Variants in GNB1L observed in about 807,000 individuals in gnomAD.
GNB1L encodes the protein guanine nucleotide-binding protein subunit beta-like protein 1.
Under a neutral mutation model 29.1 loss-of-function variants are expected in GNB1L, and 20 were observed. The observed-to-expected ratio is 0.69, with a 90% CI of 0.48 to 1.00. The LOEUF (loss-of-function observed/expected upper bound fraction) is 1.00. Ranked by LOEUF, GNB1L falls within the 50% of genes least tolerant of loss-of-function variation. The pLI is 0.00. For missense variants in GNB1L, 421 were observed against 464.9 expected, an observed-to-expected ratio of 0.91 and a Z score of 0.87; for synonymous variants, 193 against 206.5, an observed-to-expected ratio of 0.93 and a Z score of 0.56.
intron 7 of GNB1L, among the ~76,000 whole-genome samples, chr22:19,795,929 C>T (rs1937301210): frequency 6.6e-6 from 1 of 152,082 alleles, no homozygotes; most frequent in Admixed American, 6.5e-5. Flanking sequence ...TTTTGGCTTC[C>T]AGAAGGAGGT....
At chr22:19,850,715 G>C in intron 2 of GNB1L, 2 of 1,236,396 alleles carry the variant, frequency 1.6e-6, no homozygotes, top group Non-Finnish European at 2.0e-6. Context: ...TGGGGCTAGG[G>C]GGACAGACAC....
At chr22:19,794,604 GA>G (rs1388953191) in intron 7 of GNB1L, among the ~76,000 whole-genome samples, 2 of 152,216 alleles carry the variant, frequency 1.3e-5, no homozygotes, top group Non-Finnish European at 2.9e-5. Context: ...AATAAGTATA[GA>G]GGTGTTAGAC....
At chr22:19,843,314 T>C (rs1937893793) in intron 2 of GNB1L, among the ~76,000 whole-genome samples, 1 of 152,270 alleles carries the variant, frequency 6.6e-6, no homozygotes, top group South Asian at 2.1e-4. Context: ...TTGAATCCTC[T>C]GTCAGTATCC....
intron 5 of GNB1L, among the ~76,000 whole-genome samples, chr22:19,809,852 G>A (rs1171751083): frequency 6.6e-6 from 1 of 152,178 alleles, no homozygotes. Context: ...ACAGCTCACT[G>A]CAGCCTTGAA....
chr22:19,825,919 C>T (rs772322753), intron 2 of GNB1L, among the ~76,000 whole-genome samples: 2 of 152,166 alleles, frequency 1.3e-5, no homozygotes, highest in African/African-American at 2.4e-5. Flanking sequence ...AATCACACCA[C>T]GGCACTCCAG....
chr22:19,850,306 CCT>C, intron 2 of GNB1L: 1 of 982,068 alleles, frequency 1.0e-6, no homozygotes, highest in Non-Finnish European at 1.2e-6. Context: ...AGACAGAGCC[CCT>C]GTGCTGAGGG....
At chr22:19,810,841 G>GC (rs993298150) in intron 5 of GNB1L, among the ~76,000 whole-genome samples, 1 of 152,220 alleles carries the variant, frequency 6.6e-6, no homozygotes, top group Non-Finnish European at 1.5e-5. Context: ...CAGACAGGCT[G>GC]CCCCGGGAAA....
intron 4 of GNB1L, 127 bp downstream of exon 4, chr22:19,820,471 C>G: frequency 4.7e-6 from 5 of 1,053,870 alleles, no homozygotes; most frequent in Non-Finnish European, 6.9e-6. Context: ...TTGCTGCGGA[C>G]CCTTTGCTGG....
At position 19,852,110 on chromosome 22, in the gene GNB1L, C is replaced by G. The variant is rs1166128441; in HGVS notation, c.-21+2333G>C. 6 of 1,614,126 alleles carry G rather than the reference C, an allele frequency of 3.7e-6. No individual in the cohort carries two copies. In the African/African-American group the frequency reaches 5.3e-5, roughly 14 times the overall value. On this transcript the variant is annotated intron_variant, in intron 2 of 7. Coordinates refer to ENST00000329517, the MANE Select transcript of GNB1L (RefSeq NM_053004.3). ...TCGCACACACACGGTGTCCCCACAG[C>G]AGGGCCGCTCAATCCAGGGATCCAC...
At chr22:19,827,706 A>T (rs1937630252) in intron 2 of GNB1L, among the ~76,000 whole-genome samples, 1 of 152,260 alleles carries the variant, frequency 6.6e-6, no homozygotes, top group African/African-American at 2.4e-5. Context: ...GTTGATGAAG[A>T]CAGAGGACAA....
At chr22:19,815,053 C>T (rs1293997528) in intron 4 of GNB1L, among the ~76,000 whole-genome samples, 1 of 151,246 alleles carries the variant, frequency 6.6e-6, no homozygotes, top group Non-Finnish European at 1.5e-5. Flanking sequence ...AAAAAAAGAC[C>T]AAAATGTTGA....
intron 2 of GNB1L, among the ~76,000 whole-genome samples, chr22:19,822,675 G>A (rs879682715): frequency 1.3e-5 from 2 of 152,232 alleles, no homozygotes; most frequent in African/African-American, 4.8e-5. Flanking sequence ...AGGCAGGGAG[G>A]ATGGCCCACG....
intron 2 of GNB1L, among the ~76,000 whole-genome samples, chr22:19,842,844 C>G (rs1205803027): frequency 1.3e-5 from 2 of 152,232 alleles, no homozygotes; most frequent in Non-Finnish European, 2.9e-5. Flanking sequence ...GCAGCTCAAG[C>G]TGGCCACACA....
intron 2 of GNB1L, chr22:19,847,557 G>A: frequency 1.0e-6 from 1 of 985,296 alleles, no homozygotes; most frequent in Non-Finnish European, 1.2e-6. Flanking sequence ...GCTCATGCGG[G>A]GAGGGGAGGA....
chr22:19,813,335 GA>G (rs1188785870), intron 4 of GNB1L, among the ~76,000 whole-genome samples: 3 of 152,164 alleles, frequency 2.0e-5, no homozygotes, highest in African/African-American at 7.2e-5. Flanking sequence ...TGGAGTGGAG[GA>G]AAACCAAGAG....
chr22:19,846,555 A>G (rs1441465694), intron 2 of GNB1L: 2 of 985,364 alleles, frequency 2.0e-6, no homozygotes, highest in African/African-American at 3.5e-5. Flanking sequence ...AAACCAGAGA[A>G]GCCTATCGCG....
chr22:19,849,663 G>A (rs991706391), intron 2 of GNB1L: 11 of 984,404 alleles, frequency 1.1e-5, no homozygotes, highest in South Asian at 9.4e-5. Flanking sequence ...CACTGCTCCC[G>A]GCCAGTTTCT....
chr22:19,853,701 C>T (rs1391296250), intron 2 of GNB1L, among the ~76,000 whole-genome samples: 1 of 151,918 alleles, frequency 6.6e-6, no homozygotes, highest in Admixed American at 6.5e-5. Context: ...TGGAATCCCT[C>T]AGGTCTGACC....
At chr22:19,852,227 C>A in intron 2 of GNB1L, 2 of 1,611,986 alleles carry the variant, frequency 1.2e-6, no homozygotes, top group Non-Finnish European at 1.7e-6. Context: ...GATGGGAATG[C>A]GAGGGCCCTG....
Sources: gnomAD v4.1 joint callset for allele counts (sites outside exome capture counted in the v4.1 genomes callset) on GRCh38, gnomAD v4.1.1 for gene constraint, MANE v1.5 for transcripts, NCBI Gene and HGNC (gene_info 2026-07-23, HGNC 2026-07-21) for gene names.